Variants in CELF2 observed in about 807,000 individuals in gnomAD.
CELF2 encodes the protein CUG triplet repeat RNA-binding protein 2.
CELF2 carries 8 observed loss-of-function variants against 62.6 expected under a neutral mutation model. The ratio of observed to expected loss-of-function variants is 0.13; its 90% CI spans 0.07 to 0.23. CELF2 has a LOEUF of 0.23. Among genes scored for constraint, CELF2 ranks in the 10% least tolerant of loss-of-function variants. The probability of loss-of-function intolerance (pLI) is 1.00; values close to 1 mark genes in which losing one functional copy is unlikely to be tolerated. For missense variants in CELF2, 333 were observed against 671.0 expected (o/e 0.50, Z 5.56); for synonymous variants, 258 against 250.0 (o/e 1.03, Z -0.30).
chr10:11,282,171 C>G (rs1236677403), intron 8 of CELF2, among the ~76,000 whole-genome samples: 3 of 152,030 alleles, frequency 2.0e-5, no homozygotes, highest in Middle Eastern at 3.2e-3. Context: ...CTATCCCTCC[C>G]TCCCTATCCC....
intron 1 of CELF2, among the ~76,000 whole-genome samples, chr10:10,868,051 C>T (rs2060495718): frequency 6.6e-6 from 1 of 152,146 alleles, no homozygotes; most frequent in Admixed American, 6.5e-5. Flanking sequence ...TCTTTTCTGC[C>T]TTCCTCCTAT....
chr10:11,273,889 T>C (rs986110902), intron 7 of CELF2, among the ~76,000 whole-genome samples: 2 of 151,984 alleles, frequency 1.3e-5, no homozygotes, highest in East Asian at 1.9e-4. Context: ...ACCCGGCTAA[T>C]TTTTGTAATT....
chr10:11,145,842 G>T lies in CELF2; in HGVS notation c.75-19644G>T, dbSNP rs2062163971. Among the ~76,000 whole-genome samples, 1 of 152,186 alleles carries T rather than the reference G, an allele frequency of 6.6e-6. No homozygotes were observed. Among genetic ancestry groups the T allele is most frequent in the African/African-American group, 2.4e-5 (1 of 41,440 alleles). On this transcript the variant is annotated intron_variant, in intron 1 of 12. Transcript: ENST00000633077. This position sits in a 1 kb window ranked among gnomAD's most constrained non-coding sequence, Gnocchi z 4.3. ...GATCAGGTTAGGCCAGGTAGCTTCTGTTTAAAATGTGGATTTTATATACGT... is the reference window on the plus strand; with the variant it reads ...GATCAGGTTAGGCCAGGTAGCTTCTTTTTAAAATGTGGATTTTATATACGT...
At chr10:10,477,840 A>C in the CELF2 span, among the ~76,000 whole-genome samples, 171 of 152,166 alleles carry the variant, frequency 1.1e-3, no homozygotes, top group African/African-American at 4.0e-3. Context: ...ATGACATAGA[A>C]ACTGGTGTTT....
chr10:11,195,492 C>G (rs1444535358), intron 2 of CELF2, among the ~76,000 whole-genome samples: 1 of 152,182 alleles, frequency 6.6e-6, no homozygotes, highest in African/African-American at 2.4e-5. Context: ...TCCATCCAGG[C>G]GGATGGCAGT....
Position 10,931,752 on chromosome 10 carries a change from T to A in CELF2, c.89+11753T>A, listed in dbSNP as rs561976100. Among the ~76,000 whole-genome samples, 40 of 152,312 alleles carry A rather than the reference T, an allele frequency of 2.6e-4. No individual in the cohort carries two copies. Among genetic ancestry groups the A allele is most frequent in the African/African-American group, 9.4e-4 (39 of 41,574 alleles). On this transcript the variant is annotated intron_variant, in intron 2 of 13. Coordinates refer to the CELF2 transcript ENST00000636488. This position sits in a 1 kb window ranked among gnomAD's most constrained non-coding sequence, Gnocchi z 6.1. The stretch of plus-strand genomic sequence containing the variant: ...AAAATGAATCTCTTGATAATAGCAA[T>A]GCATTAGTCTTTTCTCACGCTGCTA...
intron 2 of CELF2, among the ~76,000 whole-genome samples, chr10:11,170,288 A>G (rs892296406): frequency 6.6e-6 from 1 of 152,244 alleles, no homozygotes; most frequent in African/African-American, 2.4e-5. Context: ...TTTCAGAAAT[A>G]GGAGACACTT....
At position 10,858,735 on chromosome 10, in the gene CELF2, T is replaced by C. The variant is rs561989099; in HGVS notation, c.53+59918T>C. Among the ~76,000 whole-genome samples, 192 of 152,024 alleles carry C rather than the reference T, an allele frequency of 1.3e-3. 1 individual carries two copies. The highest frequency in any genetic ancestry group is 4.5e-3 in the African/African-American group (186 of 41,460). On this transcript the variant is annotated intron_variant, in intron 1 of 13. Coordinates refer to the CELF2 transcript ENST00000636488. ...AAGTATGTTGTTGAATGAATGAAAG[T>C]ATCCAGGAATAGATGTATTTCCTAA...
intron 1 of CELF2, among the ~76,000 whole-genome samples, chr10:10,852,977 T>G (rs1359897853): frequency 6.6e-6 from 1 of 152,198 alleles, no homozygotes; most frequent in Non-Finnish European, 1.5e-5. Flanking sequence ...CAACTATTAA[T>G]CATGATTATT....
upstream of CELF2, among the ~76,000 whole-genome samples, chr10:11,015,545 C>T (rs529378471): frequency 6.6e-6 from 1 of 152,346 alleles, no homozygotes; most frequent in Non-Finnish European, 1.5e-5. The surrounding 1 kb of genome is among the most constrained non-coding windows in gnomAD (Gnocchi z 4.8). Flanking sequence ...CTCCTCGGTT[C>T]ACATCACCAT....
intron 1 of CELF2, among the ~76,000 whole-genome samples, chr10:10,856,461 G>GA (rs1004430912): frequency 2.0e-5 from 3 of 152,058 alleles, no homozygotes; most frequent in African/African-American, 7.2e-5. Flanking sequence ...AATTTTGGGG[G>GA]AAAAAATGAC....
the CELF2 span, among the ~76,000 whole-genome samples, chr10:10,527,707 A>G: frequency 5.3e-5 from 8 of 152,214 alleles, no homozygotes. Flanking sequence ...CATTGCCTCC[A>G]ATAGGTGACA....
chr10:10,917,117 T>C (rs2064413984), intron 1 of CELF2, among the ~76,000 whole-genome samples: 1 of 152,166 alleles, frequency 6.6e-6, no homozygotes, highest in Non-Finnish European at 1.5e-5. Flanking sequence ...AATTTAAAAA[T>C]TACAGTGATT....
At chr10:10,810,740 A>G (rs1246126821) in intron 1 of CELF2, among the ~76,000 whole-genome samples, 3 of 152,186 alleles carry the variant, frequency 2.0e-5, no homozygotes, top group East Asian at 3.8e-4. Context: ...AGAAACCACT[A>G]AAGTTCCCAA....
rs533330569 is a variant in CELF2, at chr10:10,955,536, G to A, written c.89+35537G>A. ...AGCCATAATAGCACACATTCTCGAC[G>A]TATGAACTCATTCAACCGTCAGCCA... On this transcript the variant is annotated intron_variant, in intron 2 of 13. Transcript: ENST00000636488. Among the ~76,000 whole-genome samples the A allele has an allele frequency of 1.4e-4, 21 of 152,306 alleles. No homozygotes were observed. In the South Asian group the frequency reaches 1.9e-3, roughly 14 times the overall value.
the CELF2 span, among the ~76,000 whole-genome samples, chr10:10,564,675 C>T: frequency 1.1e-5 from 1 of 90,562 alleles, no homozygotes; most frequent in South Asian, 3.8e-4. Flanking sequence ...CACACACACG[C>T]ACACACGCAC....
chr10:11,158,377 A>G (rs2064985367), intron 1 of CELF2, among the ~76,000 whole-genome samples: 1 of 152,186 alleles, frequency 6.6e-6, no homozygotes, highest in Non-Finnish European at 1.5e-5. Context: ...GGAAGCCCTC[A>G]ATAAATCTTC....
the CELF2 span, among the ~76,000 whole-genome samples, chr10:10,701,589 A>T: frequency 2.6e-5 from 4 of 152,252 alleles, no homozygotes; most frequent in Non-Finnish European, 5.9e-5. Context: ...GGAAAGGCTC[A>T]TGAACATAAT....
At chr10:10,650,515 A>C in the CELF2 span, among the ~76,000 whole-genome samples, 1 of 147,008 alleles carries the variant, frequency 6.8e-6, no homozygotes, top group East Asian at 1.9e-4. Context: ...CACATCTTGA[A>C]TTATAAGAGC....
Sources: gnomAD v4.1 joint callset for allele counts (sites outside exome capture counted in the v4.1 genomes callset) on GRCh38, gnomAD v4.1.1 for gene constraint, Gnocchi (gnomAD v3.1) non-coding constraint, MANE v1.5 for transcripts, NCBI Gene and HGNC (gene_info 2026-07-23, HGNC 2026-07-21) for gene names.